The following LTF variants were observed in gnomAD, a reference collection of about 807,000 sequenced individuals.
LTF encodes the protein epididymis luminal protein 110.
A neutral mutation model predicts 87.2 loss-of-function variants in LTF; 91 were observed. The ratio of observed to expected loss-of-function variants is 1.04; its 90% CI spans 0.88 to 1.24. The LOEUF is 1.24. LTF is among the 50% of genes most tolerant of loss of function. The probability of loss-of-function intolerance (pLI) is 0.00; values close to 1 mark genes in which losing one functional copy is unlikely to be tolerated. For missense variants in LTF, 901 were observed against 904.3 expected, an observed-to-expected ratio of 1.00 and a Z score of 0.05; for synonymous variants, 378 against 356.1, an observed-to-expected ratio of 1.06 and a Z score of -0.69.
At chr3:46,465,896 T>C (rs988521111), upstream of LTF, among the ~76,000 whole-genome samples, 4 of 144,232 alleles carry the variant, frequency 2.8e-5, no homozygotes, top group Non-Finnish European at 4.7e-5. Context: ...GTGGGACACA[T>C]TGGGGGCCTC....
intron 1 of LTF, among the ~76,000 whole-genome samples, chr3:46,464,269 G>A (rs1703158650): frequency 6.6e-6 from 1 of 152,112 alleles, no homozygotes; most frequent in African/African-American, 2.4e-5. Context: ...TCTGACACAG[G>A]GTTCCATCAG....
At chr3:46,484,269 T>C (rs180857890) in intron 1 of LTF, among the ~76,000 whole-genome samples, 32 of 152,054 alleles carry the variant, frequency 2.1e-4, no homozygotes, top group African/African-American at 6.8e-4. Context: ...TAGCAAAGGG[T>C]AAAAACTAGG....
At chr3:46,442,773 G>T (rs534434598) in intron 13 of LTF, among the ~76,000 whole-genome samples, 1 of 152,144 alleles carries the variant, frequency 6.6e-6, no homozygotes, top group African/African-American at 2.4e-5. Context: ...ATCTGGTCGT[G>T]AAATGTACTC....
chr3:46,465,850 C>A (rs1333257649), upstream of LTF, among the ~76,000 whole-genome samples: 1 of 152,222 alleles, frequency 6.6e-6, no homozygotes, highest in Non-Finnish European at 1.5e-5. Context: ...ACTAAACATC[C>A]ATCTCTAGGG....
intron 14 of LTF, 120 bp from the exon 15 acceptor site, chr3:46,439,600 G>A (rs1702467358): frequency 7.7e-6 from 6 of 783,084 alleles, no homozygotes. Flanking sequence ...TTGTGGTGAT[G>A]TGAGGAACAG....
chr3:46,444,686 G>A (rs1014887304), intron 12 of LTF, among the ~76,000 whole-genome samples: 7 of 152,198 alleles, frequency 4.6e-5, no homozygotes, highest in South Asian at 2.1e-4. Flanking sequence ...CCTAGGAGAC[G>A]CCCATACAAG....
intron 1 of LTF, among the ~76,000 whole-genome samples, chr3:46,482,581 AAGGG>A (rs1703451529): frequency 7.0e-6 from 1 of 143,274 alleles, no homozygotes; most frequent in East Asian, 2.0e-4. Context: ...AAAGGAAAGG[AAGGG>A]AGAAAGAGAG....
chr3:46,474,209 AG>A (rs1262250312), intron 1 of LTF, among the ~76,000 whole-genome samples: 2 of 152,234 alleles, frequency 1.3e-5, no homozygotes, highest in Non-Finnish European at 2.9e-5. Flanking sequence ...GCTTTCCACA[AG>A]AAACTCATTA....
upstream of LTF, among the ~76,000 whole-genome samples, chr3:46,465,412 G>A (rs1032736637): frequency 2.0e-5 from 3 of 152,206 alleles, no homozygotes; most frequent in African/African-American, 7.2e-5. Flanking sequence ...AGCTGACAGA[G>A]AAAAGAGAGG....
chr3:46,467,771 C>T (rs1362564355), upstream of LTF, among the ~76,000 whole-genome samples: 2 of 151,704 alleles, frequency 1.3e-5, no homozygotes, highest in Admixed American at 6.6e-5. Context: ...CCACCTTGGC[C>T]TCCCAAAGTG....
intron 11 of LTF, 82 bp downstream of exon 11, chr3:46,446,357 TG>T: frequency 8.6e-7 from 1 of 1,156,944 alleles, no homozygotes; most frequent in Non-Finnish European, 1.3e-6. Flanking sequence ...CAATTCTTTC[TG>T]TTTTTTTTAC....
chr3:46,476,335 T>C (rs894802419), intron 1 of LTF, among the ~76,000 whole-genome samples: 3 of 152,246 alleles, frequency 2.0e-5, no homozygotes, highest in African/African-American at 7.2e-5. Context: ...ATGTAGATTC[T>C]ATAGAAACTT....
intron 1 of LTF, among the ~76,000 whole-genome samples, chr3:46,475,569 C>T (rs890298644): frequency 7.4e-5 from 11 of 147,718 alleles, no homozygotes; most frequent in Non-Finnish European, 1.2e-4. Context: ...CACACACACC[C>T]TCTCTTCATC....
intron 1 of LTF, 34 bp from the exon 2 acceptor site, chr3:46,459,853 C>T (rs765048535): frequency 2.0e-6 from 3 of 1,478,524 alleles, no homozygotes; most frequent in Non-Finnish European, 2.7e-6. Flanking sequence ...AAGGATTCAA[C>T]CACTGACTGA....
upstream of LTF, among the ~76,000 whole-genome samples, chr3:46,465,324 A>G (rs4637321): frequency 0.83 from 126,881 of 152,196 alleles, 53,533 homozygotes; most frequent in East Asian, 1. Context: ...GGGCAGGTGG[A>G]TTTGCTTTCA....
intron 13 of LTF, among the ~76,000 whole-genome samples, chr3:46,443,165 G>A (rs1702563388): frequency 6.6e-6 from 1 of 152,180 alleles, no homozygotes; most frequent in African/African-American, 2.4e-5. Flanking sequence ...TGATTTTCAG[G>A]ACGAGGCTAT....
chr3:46,443,382 CT>C, intron 13 of LTF, 58 bp downstream of exon 13: 1 of 1,594,680 alleles, frequency 6.3e-7, no homozygotes, highest in South Asian at 1.1e-5. Flanking sequence ...AACTGCAATG[CT>C]GACATGCTGA....
chr3:46,463,330 G>T, intron 1 of LTF: 1 of 371,592 alleles, frequency 2.7e-6, no homozygotes, highest in Non-Finnish European at 3.7e-6. Context: ...CAAGCAGACT[G>T]CTCAGACTGA....
intron 12 of LTF, 120 bp downstream of exon 12, chr3:46,445,161 A>C: frequency 9.7e-7 from 1 of 1,035,860 alleles, no homozygotes; most frequent in South Asian, 1.7e-5. Flanking sequence ...CTTATGCTGG[A>C]AGAGGCCTGC....
Sources: allele counts gnomAD v4.1 joint callset (sites outside exome capture counted in the v4.1 genomes callset), GRCh38; gene constraint gnomAD v4.1.1; transcripts MANE v1.5; gene names NCBI Gene and HGNC (gene_info 2026-07-23, HGNC 2026-07-21).